The following TOP1 variants were observed in gnomAD, a reference collection of about 807,000 sequenced individuals.
TOP1 encodes DNA topoisomerase I.
In TOP1, 10 loss-of-function variants were observed where a neutral mutation model predicts 111.1. The observed-to-expected ratio is 0.09, with a 90% CI of 0.06 to 0.15. The LOEUF (loss-of-function observed/expected upper bound fraction) is 0.15. TOP1 is among the 10% of genes least tolerant of loss of function. TOP1 has a pLI of 1.00. For synonymous variants in TOP1, 271 were observed against 302.9 expected, an observed-to-expected ratio of 0.89 and a Z score of 1.10; for missense variants, 474 against 926.7, an observed-to-expected ratio of 0.51 and a Z score of 6.34.
rs2033097986 is a variant in TOP1, at chr20:41,030,019, C to G, written c.58+564C>G. Among the ~76,000 whole-genome samples, 1 of 152,106 alleles carries G rather than the reference C, an allele frequency of 6.6e-6. No homozygotes were observed. Among genetic ancestry groups the G allele is most frequent in the African/African-American group, 2.4e-5 (1 of 41,414 alleles). On this transcript the variant is annotated intron_variant, in intron 2 of 20. Coordinates refer to ENST00000361337, the MANE Select transcript of TOP1 (RefSeq NM_003286.4). The surrounding 1 kb of genome is among the most constrained non-coding windows in gnomAD (Gnocchi z 4.1). ...TTCCAGAATGAAAGATTTCCTTAAG[C>G]AACTGTTAATTTTTTTTTTGATAGG...
chr20:41,098,189 TC>T lies in TOP1; in HGVS notation c.853-25del. The T allele has an allele frequency of 6.2e-7, 1 of 1,612,954 alleles. No homozygotes were observed. Among genetic ancestry groups the T allele is most frequent in the Non-Finnish European group, 8.5e-7 (1 of 1,179,052 alleles). Reference sequence around the variant, plus strand: ...TTAGTGTATTTTCGTTGTTTTTCTTTCATCTCCCCATTTTCTTTTGACTAGG... The same window carrying T: ...TTAGTGTATTTTCGTTGTTTTTCTTTATCTCCCCATTTTCTTTTGACTAGG... On this transcript the variant is annotated intron_variant, in intron 10 of 20. Coordinates refer to ENST00000361337, the MANE Select transcript of TOP1 (RefSeq NM_003286.4). This position sits in a 1 kb window ranked among gnomAD's most constrained non-coding sequence, Gnocchi z 5.7.
intron 2 of TOP1, among the ~76,000 whole-genome samples, chr20:41,033,382 C>T (rs2033145732): frequency 7.0e-6 from 1 of 143,652 alleles, no homozygotes; most frequent in African/African-American, 2.6e-5. Context: ...TTGAGTCTGA[C>T]TTTTTCCCCT....
chr20:41,120,751 T>C (rs2034409289), intron 18 of TOP1, among the ~76,000 whole-genome samples: 1 of 150,124 alleles, frequency 6.7e-6, no homozygotes, highest in Admixed American at 6.6e-5. Context: ...ACTTCTCTCC[T>C]TTTTTTTTGA....
At chr20:41,051,541 G>A (rs1351925848) in intron 2 of TOP1, among the ~76,000 whole-genome samples, 1 of 152,120 alleles carries the variant, frequency 6.6e-6, no homozygotes, top group African/African-American at 2.4e-5. Flanking sequence ...AATAAGATTG[G>A]CAACACTGTT....
intron 2 of TOP1, among the ~76,000 whole-genome samples, chr20:41,054,086 C>T (rs1166600525): frequency 6.6e-6 from 1 of 152,130 alleles, no homozygotes; most frequent in Non-Finnish European, 1.5e-5. Context: ...GTAATACTGC[C>T]TTGCACAAAA....
intron 3 of TOP1, among the ~76,000 whole-genome samples, chr20:41,075,574 T>C (rs2033717504): frequency 1.3e-5 from 2 of 152,248 alleles, no homozygotes. Context: ...TCTTGCCTTA[T>C]AATGTCATAT....
At chr20:41,076,049 G>C (rs1364436821) in intron 3 of TOP1, 122 bp from the exon 4 acceptor site, 3 of 978,092 alleles carry the variant, frequency 3.1e-6, no homozygotes, top group Non-Finnish European at 3.0e-6. Flanking sequence ...TGAACCTTCT[G>C]TCGGTACTGT....
rs372340984 is a variant in TOP1, at chr20:41,097,206, A to G, written c.731-14A>G. 288 of 1,608,922 alleles carry G rather than the reference A, an allele frequency of 1.8e-4. No individual in the cohort carries two copies. Among genetic ancestry groups the G allele is most frequent in the Non-Finnish European group, 2.4e-4 (281 of 1,178,880 alleles). ...ATACTATACCTCACTTTTTGGAACCACTTTTTTCTCTAGGTAAAGTCATGA... is the reference window on the plus strand; with the variant it reads ...ATACTATACCTCACTTTTTGGAACCGCTTTTTTCTCTAGGTAAAGTCATGA... On this transcript the variant is annotated splice_polypyrimidine_tract_variant and intron_variant, in intron 9 of 20. Transcript: ENST00000361337. This position sits in a 1 kb window ranked among gnomAD's most constrained non-coding sequence, Gnocchi z 4.2.
chr20:41,100,001 T>G lies in TOP1; in HGVS notation c.976-55T>G. 7.9e-7 allele frequency: 1 copy of G among 1,271,966 alleles called. No homozygotes were observed. The allele number at this position is 1,271,966 out of a possible 1,614,324, so 78.8% of individuals were successfully genotyped here. A position where few individuals can be genotyped will look rare whatever the true frequency, so the allele number is the denominator to read the frequency against. On this transcript the variant is annotated intron_variant, in intron 11 of 20. Coordinates refer to ENST00000361337, the MANE Select transcript of TOP1 (RefSeq NM_003286.4). The surrounding 1 kb of genome is among the most constrained non-coding windows in gnomAD (Gnocchi z 4.4). Reference sequence around the variant, plus strand: ...AGTCTCCCACAAGAGATAAAATGCATTAGTAGAGAACAGCAATCTGAATCT... The same window carrying G: ...AGTCTCCCACAAGAGATAAAATGCAGTAGTAGAGAACAGCAATCTGAATCT...
intron 3 of TOP1, among the ~76,000 whole-genome samples, chr20:41,065,321 ATC>A (rs1348487351): frequency 6.6e-6 from 1 of 152,324 alleles, no homozygotes; most frequent in Non-Finnish European, 1.5e-5. Flanking sequence ...ATTAATTCCC[ATC>A]TCTCTTTCTT....
intron 3 of TOP1, among the ~76,000 whole-genome samples, chr20:41,068,948 G>A (rs1213722880): frequency 6.6e-6 from 1 of 152,164 alleles, no homozygotes; most frequent in African/African-American, 2.4e-5. Context: ...TGCATCTCTT[G>A]CCAATTTTAA....
rs761040870 is a variant in TOP1 at position 41,097,261 on chromosome 20, A to G, written c.772A>G (p.Thr258Ala). ...KLSPKAEEVATFFAKMLDHEY... is the reference protein window; with the variant it reads ...KLSPKAEEVAAFFAKMLDHEY... ...GAGCCCCAAAGCAGAGGAAGTAGCTACGTTCTTTGCAAAAATGCTCGACCA... is the reference window on the plus strand; with the variant it reads ...GAGCCCCAAAGCAGAGGAAGTAGCTGCGTTCTTTGCAAAAATGCTCGACCA... The change falls in exon 10 of 21, where the codon ACG becomes GCG. Residue 258 changes from threonine (T) to alanine (A), a missense_variant. Transcript: ENST00000361337. The surrounding 1 kb of genome is among the most constrained non-coding windows in gnomAD (Gnocchi z 4.2). 6 of 1,614,000 alleles carry G rather than the reference A, an allele frequency of 3.7e-6. No homozygotes were observed. Among genetic ancestry groups the G allele is most frequent in the African/African-American group, 2.7e-5 (2 of 74,940 alleles).
At chr20:41,074,483 T>C (rs565315620) in intron 3 of TOP1, among the ~76,000 whole-genome samples, 4 of 141,114 alleles carry the variant, frequency 2.8e-5, no homozygotes, top group African/African-American at 5.3e-5. Flanking sequence ...AAGTGGGCAT[T>C]GTTTTGTTTT....
intron 3 of TOP1, among the ~76,000 whole-genome samples, chr20:41,065,065 A>G (rs561698688): frequency 1.3e-5 from 2 of 152,110 alleles, no homozygotes; most frequent in South Asian, 4.2e-4. Flanking sequence ...CCCGACACCC[A>G]GCTAATTTTT....
intron 13 of TOP1, among the ~76,000 whole-genome samples, chr20:41,103,835 C>T (rs928992157): frequency 4.6e-5 from 7 of 151,870 alleles, no homozygotes. Flanking sequence ...CAATCCTATT[C>T]ATCCTGTAAA....
intron 8 of TOP1, among the ~76,000 whole-genome samples, chr20:41,090,495 A>G (rs2033906831): frequency 6.6e-6 from 1 of 152,104 alleles, no homozygotes; most frequent in African/African-American, 2.4e-5. Context: ...TTTTAAGTTC[A>G]GTGAAGTTCA....
At chr20:41,039,405 C>T (rs2033231222) in intron 2 of TOP1, among the ~76,000 whole-genome samples, 2 of 152,104 alleles carry the variant, frequency 1.3e-5, no homozygotes, top group African/African-American at 2.4e-5. Flanking sequence ...GTTTTTCCCC[C>T]CTTAAAGAAA....
Position 41,114,811 on chromosome 20 carries a change from C to T in TOP1, c.1639-560C>T, listed in dbSNP as rs1012582166. On this transcript the variant is annotated intron_variant, in intron 15 of 20. Transcript: ENST00000361337. This position sits in a 1 kb window ranked among gnomAD's most constrained non-coding sequence, Gnocchi z 4.5. ...GTATTGGGCTTGAACCAGAGACTTA[C>T]AGTGTGCAGGATCCTAATAATCCAG... 6.6e-6 allele frequency among the ~76,000 whole-genome samples: 1 copy of T among 152,218 alleles called. No homozygotes were observed. The highest frequency in any genetic ancestry group is 1.5e-5 in the Non-Finnish European group (1 of 68,036).
rs182506162 is a variant in TOP1, at chr20:41,079,897, A to G, written c.336-188A>G. Among the ~76,000 whole-genome samples, 55 of 152,384 alleles carry G rather than the reference A, an allele frequency of 3.6e-4. 1 individual carries two copies. The East Asian group carries it at 4.8e-3, about 13-fold the overall frequency. ...CTGATATTGCCCATTCACCTGTACAATGAGGACAAATACTATCTACTTCAC... is the reference window on the plus strand; with the variant it reads ...CTGATATTGCCCATTCACCTGTACAGTGAGGACAAATACTATCTACTTCAC... On this transcript the variant is annotated intron_variant, in intron 5 of 20. Transcript: ENST00000361337. The surrounding 1 kb of genome is among the most constrained non-coding windows in gnomAD (Gnocchi z 4.0).
Sources: allele counts gnomAD v4.1 joint callset (sites outside exome capture counted in the v4.1 genomes callset), GRCh38; gene constraint gnomAD v4.1.1; non-coding constraint Gnocchi (gnomAD v3.1); transcripts MANE v1.5; gene names NCBI Gene and HGNC (gene_info 2026-07-23, HGNC 2026-07-21).